Variants in SV2C observed in about 807,000 individuals in gnomAD.
The protein encoded by SV2C is synaptic vesicle glycoprotein 2C.
A neutral mutation model predicts 79.7 loss-of-function variants in SV2C; 49 were observed. The ratio of observed to expected loss-of-function variants is 0.61; its 90% CI spans 0.49 to 0.78. The LOEUF (loss-of-function observed/expected upper bound fraction) is 0.78, where lower values mean the gene tolerates loss of function less well. Among genes scored for constraint, SV2C ranks in the 30% least tolerant of loss-of-function variants. The pLI, the probability that SV2C is intolerant of heterozygous loss-of-function variation, is 0.00. For synonymous variants in SV2C, 334 were observed against 333.2 expected (o/e 1.00, Z -0.03); for missense variants, 833 against 912.9 (o/e 0.91, Z 1.13).
At chr5:76,064,453 T>A in the SV2C span, among the ~76,000 whole-genome samples, 17 of 152,226 alleles carry the variant, frequency 1.1e-4, no homozygotes, top group Non-Finnish European at 1.9e-4. Context: ...GTTATGTGAA[T>A]AGCTGTTTCT....
At chr5:75,943,856 C>A in the SV2C span, among the ~76,000 whole-genome samples, 1 of 152,056 alleles carries the variant, frequency 6.6e-6, no homozygotes, top group African/African-American at 2.4e-5. Context: ...GTATCCTCAC[C>A]CTTCCATATT....
the SV2C span, among the ~76,000 whole-genome samples, chr5:75,972,180 A>G: frequency 6.6e-6 from 1 of 152,154 alleles, no homozygotes; most frequent in Non-Finnish European, 1.5e-5. Context: ...TTAATTCAAG[A>G]TGGATTAAAG....
the SV2C span, among the ~76,000 whole-genome samples, chr5:76,026,252 TTAA>T: frequency 7.4e-6 from 1 of 135,266 alleles, no homozygotes; most frequent in Admixed American, 7.8e-5. Flanking sequence ...TTCAATGCTA[TTAA>T]TATTAAAAGG....
chr5:76,228,323 T>C (rs1379220850), intron 4 of SV2C, among the ~76,000 whole-genome samples: 1 of 152,306 alleles, frequency 6.6e-6, no homozygotes, highest in East Asian at 1.9e-4. Context: ...AGCTGTATGG[T>C]TGAAGTGCGA....
the SV2C span, among the ~76,000 whole-genome samples, chr5:76,044,684 T>G: frequency 6.6e-6 from 1 of 151,852 alleles, no homozygotes; most frequent in Non-Finnish European, 1.5e-5. Context: ...TTTATTCATA[T>G]TTTTTTTGGC....
At chr5:75,927,690 C>T in the SV2C span, among the ~76,000 whole-genome samples, 1 of 152,118 alleles carries the variant, frequency 6.6e-6, no homozygotes, top group Non-Finnish European at 1.5e-5. Flanking sequence ...CCAAACCCCA[C>T]AAAAGAACAT....
downstream of SV2C, among the ~76,000 whole-genome samples, chr5:76,334,680 C>T (rs952245040): frequency 1.3e-5 from 2 of 152,168 alleles, no homozygotes; most frequent in Non-Finnish European, 2.9e-5. Context: ...TTTTTGACCC[C>T]TTTTTAAGAT....
At chr5:76,057,830 T>A in the SV2C span, among the ~76,000 whole-genome samples, 1 of 152,150 alleles carries the variant, frequency 6.6e-6, no homozygotes, top group Non-Finnish European at 1.5e-5. Context: ...ATAATTTTGA[T>A]CAAGGTTTAT....
intron 2 of SV2C, among the ~76,000 whole-genome samples, chr5:76,153,208 C>T (rs1407504074): frequency 6.6e-6 from 1 of 152,188 alleles, no homozygotes; most frequent in Non-Finnish European, 1.5e-5. Context: ...GGAGTAGCCT[C>T]TCTCCCTGAG....
intron 2 of SV2C, among the ~76,000 whole-genome samples, chr5:76,163,927 TTAGGGACAG>T (rs1018748953): frequency 6.6e-6 from 1 of 152,170 alleles, no homozygotes; most frequent in African/African-American, 2.4e-5. Context: ...AGCTCTTCGG[TTAGGGACAG>T]TAGGGCAGAC....
chr5:76,323,152 A>C (rs930250475), intron 12 of SV2C, among the ~76,000 whole-genome samples: 1 of 152,248 alleles, frequency 6.6e-6, no homozygotes, highest in Non-Finnish European at 1.5e-5. Flanking sequence ...CAAAGGTCTA[A>C]TATCTAGAAT....
At chr5:75,877,282 A>G in the SV2C span, among the ~76,000 whole-genome samples, 1 of 152,130 alleles carries the variant, frequency 6.6e-6, no homozygotes, top group Non-Finnish European at 1.5e-5. Flanking sequence ...ATAGAGCACG[A>G]AAATATATGA....
the SV2C span, among the ~76,000 whole-genome samples, chr5:75,916,439 C>T: frequency 7.0e-6 from 1 of 143,734 alleles, no homozygotes; most frequent in Non-Finnish European, 1.5e-5. Context: ...TCCTCCCCTT[C>T]TCCTCTCCTC....
chr5:76,175,563 C>T (rs905784424), intron 2 of SV2C, among the ~76,000 whole-genome samples: 4 of 152,146 alleles, frequency 2.6e-5, no homozygotes, highest in Non-Finnish European at 4.4e-5. Flanking sequence ...AAATTTCCCC[C>T]ATATCCCAGA....
chr5:75,971,755 G>C, the SV2C span, among the ~76,000 whole-genome samples: 2 of 152,082 alleles, frequency 1.3e-5, no homozygotes, highest in Non-Finnish European at 2.9e-5. Flanking sequence ...ACTGCCCAAG[G>C]TAAATTATAG....
chr5:75,903,861 C>T, the SV2C span, among the ~76,000 whole-genome samples: 24 of 152,326 alleles, frequency 1.6e-4, no homozygotes, highest in South Asian at 2.1e-3. Flanking sequence ...ATATTATTCT[C>T]ATGGCAGAAT....
the SV2C span, among the ~76,000 whole-genome samples, chr5:76,073,398 G>T: frequency 6.6e-6 from 1 of 151,200 alleles, no homozygotes; most frequent in East Asian, 1.9e-4. Flanking sequence ...TTAATTGGCT[G>T]TATGCATGTT....
intron 4 of SV2C, among the ~76,000 whole-genome samples, chr5:76,265,722 C>T (rs984657610): frequency 2.6e-5 from 4 of 152,198 alleles, no homozygotes; most frequent in African/African-American, 9.6e-5. Flanking sequence ...AGGGAGGCCC[C>T]CCTCCACCGC....
chr5:76,321,615 C>T (rs2112561033), intron 12 of SV2C, among the ~76,000 whole-genome samples: 1 of 152,018 alleles, frequency 6.6e-6, no homozygotes, highest in South Asian at 2.1e-4. Context: ...GTGGTGCACG[C>T]CTGTAGTCCC....
Sources: allele counts gnomAD v4.1 joint callset (sites outside exome capture counted in the v4.1 genomes callset), GRCh38; gene constraint gnomAD v4.1.1; transcripts MANE v1.5; gene names NCBI Gene and HGNC (gene_info 2026-07-23, HGNC 2026-07-21).